STK4: variants seen among roughly 807,000 people sequenced by gnomAD.
The protein encoded by STK4 is serine/threonine kinase 4, also known as serine/threonine-protein kinase 4.
Under a neutral mutation model 64.9 loss-of-function variants are expected in STK4, and 30 were observed. That is an observed-to-expected ratio of 0.46 (90% confidence interval 0.35 to 0.63). The LOEUF (loss-of-function observed/expected upper bound fraction) is 0.63. Ranked by LOEUF, STK4 falls within the 20% of genes least tolerant of loss-of-function variation. The pLI is 0.01. For synonymous variants in STK4, 177 were observed against 199.0 expected (o/e 0.89, Z 0.93); for missense variants, 466 against 598.5 (o/e 0.78, Z 2.31).
rs370647333 is a variant in STK4 at position 44,981,810 on chromosome 20, A to G, written c.246-19A>G. On this transcript the variant is annotated intron_variant, in intron 3 of 10. Coordinates refer to ENST00000372806, the MANE Select transcript of STK4 (RefSeq NM_006282.5). ...TTTGAAGGCCATTTTATTAATTTGTATTGTCTCTCTCTCTCTAGCCCTCAT... is the reference window on the plus strand; with the variant it reads ...TTTGAAGGCCATTTTATTAATTTGTGTTGTCTCTCTCTCTCTAGCCCTCAT... 1.7e-5 allele frequency: 24 copies of G among 1,441,308 alleles called. No homozygotes were observed. The highest frequency in any genetic ancestry group is 6.9e-5 in the Admixed American group (4 of 57,802). 89.3% of individuals were successfully genotyped at this position (1,441,308 alleles called of 1,614,324 possible). A position where few individuals can be genotyped will look rare whatever the true frequency, so the allele number is the denominator to read the frequency against.
At chr20:45,053,060 T>G in intron 10 of STK4, 369 of 1,514,240 alleles carry the variant, frequency 2.4e-4, no homozygotes, top group Middle Eastern at 3.4e-4. Flanking sequence ...TGGAATATAA[T>G]GAGATTTTGT....
intron 10 of STK4, among the ~76,000 whole-genome samples, chr20:45,039,732 T>A (rs2068582627): frequency 6.6e-6 from 1 of 152,136 alleles, no homozygotes; most frequent in Admixed American, 6.6e-5. Flanking sequence ...TGAACTTTTT[T>A]ACTACTTCAT....
intron 10 of STK4, among the ~76,000 whole-genome samples, chr20:45,071,795 G>A (rs1172247253): frequency 6.6e-6 from 1 of 151,964 alleles, no homozygotes; most frequent in South Asian, 2.1e-4. Context: ...TTGAGACAAG[G>A]TCTTGCTCTG....
At chr20:45,069,325 C>A (rs559537284) in intron 10 of STK4, among the ~76,000 whole-genome samples, 3 of 152,202 alleles carry the variant, frequency 2.0e-5, no homozygotes, top group Non-Finnish European at 4.4e-5. Context: ...GCAAAACCCA[C>A]CTTCAGTAGC....
chr20:45,011,861 G>A (rs1001827822), intron 9 of STK4, among the ~76,000 whole-genome samples: 3 of 150,618 alleles, frequency 2.0e-5, no homozygotes, highest in South Asian at 2.1e-4. Context: ...ATGAGCTCTA[G>A]TAGTCTGTTT....
chr20:45,011,126 G>A (rs1175476593), intron 9 of STK4, among the ~76,000 whole-genome samples: 1 of 152,136 alleles, frequency 6.6e-6, no homozygotes, highest in African/African-American at 2.4e-5. Context: ...GTCTAGATAT[G>A]TTCTTGTTTT....
intron 4 of STK4, among the ~76,000 whole-genome samples, chr20:44,982,995 A>T (rs2067468991): frequency 6.6e-6 from 1 of 152,176 alleles, no homozygotes; most frequent in Admixed American, 6.5e-5. Flanking sequence ...AGAAGTGGTG[A>T]CGTTTACAGG....
chr20:44,978,658 C>G (rs2067380910), intron 3 of STK4, 87 bp downstream of exon 3: 1 of 1,387,816 alleles, frequency 7.2e-7, no homozygotes, highest in African/African-American at 1.5e-5. Context: ...GACACATTTA[C>G]TTAGATATTT....
intron 10 of STK4, among the ~76,000 whole-genome samples, chr20:45,029,206 C>G (rs1015541428): frequency 2.0e-5 from 3 of 152,154 alleles, no homozygotes; most frequent in African/African-American, 7.2e-5. Context: ...TAATGGTTGT[C>G]TGGAGCTGAG....
At chr20:45,025,278 T>A in intron 10 of STK4, 148 bp downstream of exon 10, 1 of 915,238 alleles carries the variant, frequency 1.1e-6, no homozygotes, top group Non-Finnish European at 1.5e-6. Flanking sequence ...GTATTTTGAC[T>A]GATGTTTGGG....
Position 44,966,582 on chromosome 20 carries a change from A to T in STK4, c.14A>T (p.Gln5Leu), listed in dbSNP as rs927162591. 7.9e-7 allele frequency: 1 copy of T among 1,273,230 alleles called. No individual in the cohort carries two copies. Among genetic ancestry groups the T allele is most frequent in the Non-Finnish European group, 1.0e-6 (1 of 1,001,592 alleles). The allele number at this position is 1,273,230 out of a possible 1,614,324, so 78.9% of individuals were successfully genotyped here. ...GCTGGCAGCGCCATGGAGACGGTACAGCTGAGGAACCCGCCGCGCCGGTGA... is the reference window on the plus strand; with the variant it reads ...GCTGGCAGCGCCATGGAGACGGTACTGCTGAGGAACCCGCCGCGCCGGTGA... METV[Q>L]LRNPPRRQLK... The change falls in exon 1 of 11, where the codon CAG (glutamine) becomes CTG (leucine). Residue 5 changes from glutamine to leucine, a missense_variant. By Grantham distance (113) the Gln-to-Leu change is moderately radical. Transcript: ENST00000372806.
At chr20:45,058,080 CA>C (rs1400137650) in intron 10 of STK4, among the ~76,000 whole-genome samples, 14 of 151,858 alleles carry the variant, frequency 9.2e-5, no homozygotes, top group Non-Finnish European at 1.8e-4. Flanking sequence ...CACACACACA[CA>C]CACACACCCC....
chr20:45,011,206 A>G (rs1318847608), intron 9 of STK4, among the ~76,000 whole-genome samples: 1 of 152,142 alleles, frequency 6.6e-6, no homozygotes, highest in Non-Finnish European at 1.5e-5. Flanking sequence ...AGCAGGACAC[A>G]TTATTGAAGT....
intron 10 of STK4, among the ~76,000 whole-genome samples, chr20:45,055,126 G>A (rs139289684): frequency 4.8e-4 from 73 of 152,272 alleles, no homozygotes; most frequent in African/African-American, 1.7e-3. Flanking sequence ...TTACTCTGCC[G>A]TGTTGTCAGA....
chr20:45,050,254 G>A (rs151094726), intron 10 of STK4, among the ~76,000 whole-genome samples: 13 of 152,100 alleles, frequency 8.5e-5, no homozygotes, highest in Non-Finnish European at 1.9e-4. Context: ...TACTGAAATG[G>A]GTCTGAGTTC....
chr20:44,991,359 C>A lies in STK4; in HGVS notation c.526-3731C>A, dbSNP rs370850336. On this transcript the variant is annotated intron_variant, in intron 5 of 10. Transcript: ENST00000372806. ...TTTTTCAGCATTTCCTTGAGTAAAT[C>A]CTTAGGATAATTTATTTACATTGGA... Among the ~76,000 whole-genome samples, 8 of 152,236 alleles carry A rather than the reference C, an allele frequency of 5.3e-5. 1 individual carries two copies. The highest frequency in any genetic ancestry group is 1.9e-4 in the East Asian group (1 of 5,176).
At chr20:45,025,195 G>A in intron 10 of STK4, 65 bp downstream of exon 10, 1 of 1,530,596 alleles carries the variant, frequency 6.5e-7, no homozygotes, top group Non-Finnish European at 8.8e-7. Context: ...TCACACATTA[G>A]TGCCCAAGCA....
At chr20:45,009,301 C>T (rs1367715215) in intron 9 of STK4, among the ~76,000 whole-genome samples, 1 of 152,136 alleles carries the variant, frequency 6.6e-6, no homozygotes, top group Non-Finnish European at 1.5e-5. Context: ...GTGTCCTTTA[C>T]CCATTGCTTG....
chr20:45,003,755 G>T (rs929574283), intron 9 of STK4, among the ~76,000 whole-genome samples: 3 of 140,018 alleles, frequency 2.1e-5, no homozygotes, highest in Non-Finnish European at 3.0e-5. Context: ...TCACTCTGTC[G>T]CCCAGGCTTG....
Sources: allele counts gnomAD v4.1 joint callset (sites outside exome capture counted in the v4.1 genomes callset), GRCh38; gene constraint gnomAD v4.1.1; transcripts MANE v1.5; gene names NCBI Gene and HGNC (gene_info 2026-07-23, HGNC 2026-07-21).